The following RAB8A variants were observed in gnomAD, a reference collection of about 807,000 sequenced individuals.
RAB8A encodes RAB8A, member RAS oncogene family.
RAB8A carries 5 observed loss-of-function variants against 29.2 expected under a neutral mutation model. The ratio of observed to expected loss-of-function variants is 0.17; its 90% confidence interval spans 0.09 to 0.36. The LOEUF (loss-of-function observed/expected upper bound fraction) is 0.36, where lower values mean the gene tolerates loss of function less well. RAB8A is among the 10% of genes least tolerant of loss of function. The pLI is 1.00. For missense variants in RAB8A, 171 were observed against 272.2 expected (o/e 0.63, Z 2.62); for synonymous variants, 108 against 99.9 (o/e 1.08, Z -0.49).
In RAB8A at chr19:16,111,891, G is replaced by T. The variant is rs770064420; in HGVS notation, c.-11G>T. ...CGCTGGCCGCACTTCCCGTCGGGGA[G>T]AGAGTGTAATATGGCGAAGACCTAC... On this transcript the variant is annotated 5_prime_UTR_variant, in exon 1 of 8. Transcript: ENST00000300935. The T allele has an allele frequency of 6.2e-7, 1 of 1,613,982 alleles. No homozygotes were observed. The highest frequency in any genetic ancestry group is 8.5e-7 in the Non-Finnish European group (1 of 1,179,860).
In RAB8A at chr19:16,132,690, C is replaced by T. The variant is rs1173074732; in HGVS notation, c.*386C>T. The stretch of plus-strand genomic sequence containing the variant: ...GCTCCACCAGGAGGCTGGTTCACGT[C>T]CCCTACCACGGAAGCGAGGTCCCAG... On this transcript the variant is annotated 3_prime_UTR_variant, in exon 8 of 8. Coordinates refer to ENST00000300935, the MANE Select transcript of RAB8A (RefSeq NM_005370.5). This position sits in a 1 kb window ranked among gnomAD's most constrained non-coding sequence, Gnocchi z 5.6. 5.3e-6 allele frequency: 1 copy of T among 188,342 alleles called. No homozygotes were observed. The highest frequency in any genetic ancestry group is 1.1e-5 in the Non-Finnish European group (1 of 89,210). 11.7% of individuals were successfully genotyped at this position (188,342 alleles called of 1,614,324 possible).
chr19:16,127,716 A>G lies in RAB8A; in HGVS notation c.414+190A>G, dbSNP rs1029828671. ...GGGTGCACTCTGCGGGCATCTCATCAAAACCTACCATGGCCCCGCTCCAGA... is the reference window on the plus strand; with the variant it reads ...GGGTGCACTCTGCGGGCATCTCATCGAAACCTACCATGGCCCCGCTCCAGA... On this transcript the variant is annotated intron_variant, in intron 5 of 7. Coordinates refer to ENST00000300935, the MANE Select transcript of RAB8A (RefSeq NM_005370.5). This position sits in a 1 kb window ranked among gnomAD's most constrained non-coding sequence, Gnocchi z 4.8. The G allele has an allele frequency of 2.3e-5, 14 of 606,296 alleles. No individual in the cohort carries two copies. Among genetic ancestry groups the G allele is most frequent in the South Asian group, 1.0e-4 (5 of 49,500 alleles). The allele number at this position is 606,296 out of a possible 1,614,324, so 37.6% of individuals were successfully genotyped here. A position where few individuals can be genotyped will look rare whatever the true frequency, so the allele number is the denominator to read the frequency against.
rs1033285005 is a variant in RAB8A, at chr19:16,132,378, C to T, written c.*74C>T. On this transcript the variant is annotated 3_prime_UTR_variant, in exon 8 of 8. Transcript: ENST00000300935. The surrounding 1 kb of genome is among the most constrained non-coding windows in gnomAD (Gnocchi z 5.6). ...GTTCTGAGTGAGCCCCTCACTCAGC[C>T]GGGGCCCTCCCACCTCCAACGCCCC... The T allele has an allele frequency of 6.2e-6, 9 of 1,452,936 alleles. No homozygotes were observed. The highest frequency in any genetic ancestry group is 2.4e-5 in the South Asian group (2 of 82,494). 90.0% of individuals were successfully genotyped at this position (1,452,936 alleles called of 1,614,324 possible).
intron 2 of RAB8A, among the ~76,000 whole-genome samples, chr19:16,121,488 C>T (rs1413753340): frequency 6.6e-6 from 1 of 152,088 alleles, no homozygotes; most frequent in Non-Finnish European, 1.5e-5. Context: ...GGGAGAATTC[C>T]CTGGAAGCAA....
intron 1 of RAB8A, among the ~76,000 whole-genome samples, chr19:16,116,427 G>C (rs933465825): frequency 6.6e-6 from 1 of 152,222 alleles, no homozygotes; most frequent in African/African-American, 2.4e-5. Context: ...TTCGCATACA[G>C]TTCACCCATT....
chr19:16,115,934 G>A (rs975998683), intron 1 of RAB8A, among the ~76,000 whole-genome samples: 3 of 152,164 alleles, frequency 2.0e-5, no homozygotes, highest in Non-Finnish European at 2.9e-5. Flanking sequence ...TCCCCAGCAG[G>A]CACTTGAACA....
At chr19:16,113,664 T>G (rs2090833849) in intron 1 of RAB8A, among the ~76,000 whole-genome samples, 1 of 152,232 alleles carries the variant, frequency 6.6e-6, no homozygotes, top group African/African-American at 2.4e-5. Context: ...CATCCCAAAG[T>G]GCTGGGATTA....
chr19:16,120,033 G>A (rs972937220), intron 2 of RAB8A, among the ~76,000 whole-genome samples: 2 of 151,616 alleles, frequency 1.3e-5, no homozygotes, highest in Non-Finnish European at 2.9e-5. Flanking sequence ...GGTTGGCTTC[G>A]AACCCCTGAA....
chr19:16,133,966 A>C lies in RAB8A; in HGVS notation c.*1662A>C, dbSNP rs1428336812. ...ACTGTGTCCCTCCTGCCTCCCTGGCAGGTCCTTCTAGGGGCCCTCTCCTGG... is the reference window on the plus strand; with the variant it reads ...ACTGTGTCCCTCCTGCCTCCCTGGCCGGTCCTTCTAGGGGCCCTCTCCTGG... On this transcript the variant is annotated 3_prime_UTR_variant, in exon 8 of 8. Transcript: ENST00000300935. The C allele has an allele frequency of 6.6e-6, 1 of 152,376 alleles. No homozygotes were observed. Among genetic ancestry groups the C allele is most frequent in the Non-Finnish European group, 1.5e-5 (1 of 68,188 alleles). The allele number at this position is 152,376 out of a possible 1,614,324, so 9.4% of individuals were successfully genotyped here. A position where few individuals can be genotyped will look rare whatever the true frequency, so the allele number is the denominator to read the frequency against.
At chr19:16,121,420 CA>C (rs1191823006) in intron 2 of RAB8A, among the ~76,000 whole-genome samples, 1 of 152,312 alleles carries the variant, frequency 6.6e-6, no homozygotes, top group East Asian at 1.9e-4. Context: ...CCACCCTCAA[CA>C]GCAAGAGCTA....
Position 16,134,007 on chromosome 19 carries a change from A to G in RAB8A, c.*1703A>G, listed in dbSNP as rs2032882. Reference sequence around the variant, plus strand: ...CCTCTCCTGGCTGGCTTTCCAGGGCATTCCTTCCACTCTATCCAGGGTCCT... The same window carrying G: ...CCTCTCCTGGCTGGCTTTCCAGGGCGTTCCTTCCACTCTATCCAGGGTCCT... On this transcript the variant is annotated 3_prime_UTR_variant, in exon 8 of 8. Transcript: ENST00000300935. 21,644 of 152,246 alleles carry G rather than the reference A, an allele frequency of 0.14. 1,828 individuals are homozygous for G. Among genetic ancestry groups the G allele is most frequent in the East Asian group, 0.29 (1,514 of 5,164 alleles). The allele number at this position is 152,246 out of a possible 1,614,324, so 9.4% of individuals were successfully genotyped here.
chr19:16,113,952 G>A (rs1372453770), intron 1 of RAB8A, among the ~76,000 whole-genome samples: 1 of 152,148 alleles, frequency 6.6e-6, no homozygotes, highest in African/African-American at 2.4e-5. Flanking sequence ...AATGGCTCCT[G>A]CAGTGACAGC....
At chr19:16,112,586 G>A (rs1238634621) in intron 1 of RAB8A, 1 of 158,004 alleles carries the variant, frequency 6.3e-6, no homozygotes, top group African/African-American at 2.4e-5. Flanking sequence ...CACGTGGTGA[G>A]AATGGGATTT....
chr19:16,132,357 T>G lies in RAB8A; in HGVS notation c.*53T>G, dbSNP rs759523632. 1 of 1,573,838 alleles carries G rather than the reference T, an allele frequency of 6.4e-7. No individual in the cohort carries two copies. The highest frequency in any genetic ancestry group is 1.1e-5 in the South Asian group (1 of 88,834). ...TCAGCCCAGCTGACTGTGCCTGTTC[T>G]GAGTGAGCCCCTCACTCAGCCGGGG... On this transcript the variant is annotated 3_prime_UTR_variant, in exon 8 of 8. Coordinates refer to ENST00000300935, the MANE Select transcript of RAB8A (RefSeq NM_005370.5). This position sits in a 1 kb window ranked among gnomAD's most constrained non-coding sequence, Gnocchi z 5.6.
At position 16,125,156 on chromosome 19, in the gene RAB8A, G is replaced by A. The variant is rs2090893592; in HGVS notation, c.247-314G>A. ...TCCCACCGTCAGGCTGCACCACCCC[G>A]TGGGCCATGAGGGGAGCCAGCCGGG... On this transcript the variant is annotated intron_variant, in intron 3 of 7. Coordinates refer to ENST00000300935, the MANE Select transcript of RAB8A (RefSeq NM_005370.5). This position sits in a 1 kb window ranked among gnomAD's most constrained non-coding sequence, Gnocchi z 5.0. 1.3e-5 allele frequency: 6 copies of A among 464,046 alleles called. No homozygotes were observed. The highest frequency in any genetic ancestry group is 4.6e-5 in the South Asian group (2 of 43,668). 28.7% of individuals were successfully genotyped at this position (464,046 alleles called of 1,614,324 possible).
intron 3 of RAB8A, chr19:16,124,715 C>CA (rs1313624567): frequency 7.8e-6 from 1 of 129,014 alleles, no homozygotes; most frequent in East Asian, 2.7e-4. Flanking sequence ...GAGTTAGCCC[C>CA]CCCCCGCCCC....
intron 2 of RAB8A, among the ~76,000 whole-genome samples, chr19:16,119,201 T>C (rs1201909875): frequency 6.6e-6 from 1 of 152,094 alleles, no homozygotes; most frequent in Non-Finnish European, 1.5e-5. Context: ...ATTCACCTCT[T>C]CTTTTTTTTT....
chr19:16,114,740 G>A lies in RAB8A; in HGVS notation c.124+2715G>A, dbSNP rs530997355. On this transcript the variant is annotated intron_variant, in intron 1 of 7. Coordinates refer to ENST00000300935, the MANE Select transcript of RAB8A (RefSeq NM_005370.5). ...GCTTTAAAGAGGCTTTCTTCCATTT[G>A]CAGATGAGGATGTGACTTGGTGAAA... 2.3e-4 allele frequency among the ~76,000 whole-genome samples: 35 copies of A among 151,942 alleles called. No individual in the cohort carries two copies. The South Asian group carries it at 7.1e-3, about 31-fold the overall frequency.
At position 16,127,540 on chromosome 19, in the gene RAB8A, C is replaced by T; in HGVS notation, c.414+14C>T. On this transcript the variant is annotated intron_variant, in intron 5 of 7. Transcript: ENST00000300935. This position sits in a 1 kb window ranked among gnomAD's most constrained non-coding sequence, Gnocchi z 4.8. ...CGGGGAGAAAAGGTGGGCATGGTGGCACAAGGGGCAGAGGGCCTCGGGGTC... is the reference window on the plus strand; with the variant it reads ...CGGGGAGAAAAGGTGGGCATGGTGGTACAAGGGGCAGAGGGCCTCGGGGTC... 6.6e-7 allele frequency: 1 copy of T among 1,504,632 alleles called. No homozygotes were observed. The highest frequency in any genetic ancestry group is 8.9e-7 in the Non-Finnish European group (1 of 1,125,644). 93.2% of individuals were successfully genotyped at this position (1,504,632 alleles called of 1,614,324 possible).
Sources: gnomAD v4.1 joint callset for allele counts (sites outside exome capture counted in the v4.1 genomes callset) on GRCh38, gnomAD v4.1.1 for gene constraint, Gnocchi (gnomAD v3.1) non-coding constraint, MANE v1.5 for transcripts, NCBI Gene and HGNC (gene_info 2026-07-23, HGNC 2026-07-21) for gene names.